Variants in VRTN observed in about 807,000 individuals in gnomAD.
The protein encoded by VRTN is vertnin.
VRTN carries 5 observed loss-of-function variants against 18.2 expected under a neutral mutation model. The observed-to-expected ratio is 0.27, with a 90% CI of 0.14 to 0.58. The LOEUF (loss-of-function observed/expected upper bound fraction) is 0.58. VRTN is among the 20% of genes least tolerant of loss of function. The probability of loss-of-function intolerance (pLI) is 0.91; values close to 1 mark genes in which losing one functional copy is unlikely to be tolerated. For missense variants in VRTN, 741 were observed against 939.4 expected, an observed-to-expected ratio of 0.79 and a Z score of 2.76; for synonymous variants, 381 against 393.7, an observed-to-expected ratio of 0.97 and a Z score of 0.38.
intron 1 of VRTN, among the ~76,000 whole-genome samples, chr14:74,324,126 C>T (rs575438460): frequency 1.1e-3 from 166 of 151,882 alleles, no homozygotes; most frequent in Non-Finnish European, 2.0e-3. Flanking sequence ...TGGTGACTCA[C>T]GCCTGTAATC....
In VRTN at chr14:74,358,055, C is replaced by G; in HGVS notation, c.1272C>G (p.Phe424Leu). The change falls in exon 2 of 2, where the codon TTC becomes TTG. Residue 424 changes from phenylalanine to leucine, a missense_variant. By Grantham distance (22) the Phe-to-Leu change is conservative. Transcript: ENST00000256362. The surrounding 1 kb of genome is among the most constrained non-coding windows in gnomAD (Gnocchi z 5.4). ...ACACACTGGTACCCTATCGCTGCTT[C>G]AAACGCAGGTTCCCTGGCATCTCAC... ...SLNTLVPYRC[F>L]KRRFPGISRS... The G allele has an allele frequency of 6.2e-7, 1 of 1,614,242 alleles. No homozygotes were observed. The highest frequency in any genetic ancestry group is 1.3e-5 in the African/African-American group (1 of 75,066).
chr14:74,345,732 C>T (rs1320177114), upstream of VRTN, among the ~76,000 whole-genome samples: 15 of 150,354 alleles, frequency 1.0e-4, no homozygotes, highest in South Asian at 6.4e-4. Flanking sequence ...GAGACCACCC[C>T]GGCCAACATG....
chr14:74,307,461 G>T (rs906465966), intron 1 of VRTN, among the ~76,000 whole-genome samples: 3 of 151,914 alleles, frequency 2.0e-5, no homozygotes, highest in Non-Finnish European at 2.9e-5. Flanking sequence ...ATGAGAGTTG[G>T]TGCTCTTGAA....
rs2085313603 is a variant in VRTN at position 74,304,758 on chromosome 14, C to G, written c.-164+1582C>G. Among the ~76,000 whole-genome samples the G allele has an allele frequency of 5.9e-5, 9 of 152,228 alleles. No individual in the cohort carries two copies. In the South Asian group the frequency reaches 1.7e-3, roughly 28 times the overall value. ...ACTGCCCCAGAACCAAAGAGAAAGG[C>G]ATTTAACTCAGCATGGGGAAAAGTG... On this transcript the variant is annotated intron_variant, in intron 1 of 2. Transcript: ENST00000557177.
intron 1 of VRTN, among the ~76,000 whole-genome samples, chr14:74,351,782 G>A (rs1282798295): frequency 6.6e-6 from 1 of 151,788 alleles, no homozygotes; most frequent in Non-Finnish European, 1.5e-5. Flanking sequence ...CACTTGGGCT[G>A]ATTACCAATT....
intron 1 of VRTN, among the ~76,000 whole-genome samples, chr14:74,337,356 C>T (rs1237590911): frequency 2.0e-5 from 3 of 149,644 alleles, no homozygotes; most frequent in Non-Finnish European, 4.4e-5. Context: ...AAACAAAAAA[C>T]AAACAAAAAC....
At chr14:74,312,047 G>A (rs1488166422) in intron 1 of VRTN, among the ~76,000 whole-genome samples, 1 of 152,216 alleles carries the variant, frequency 6.6e-6, no homozygotes, top group Non-Finnish European at 1.5e-5. Context: ...TGGGGTTACA[G>A]GCATGAGCCA....
chr14:74,347,971 C>T (rs1453664875), upstream of VRTN, among the ~76,000 whole-genome samples: 1 of 152,160 alleles, frequency 6.6e-6, no homozygotes, highest in Non-Finnish European at 1.5e-5. Context: ...GGAGACTGCC[C>T]CATGATGGGG....
chr14:74,319,658 T>A (rs976677888), intron 1 of VRTN, among the ~76,000 whole-genome samples: 1 of 152,142 alleles, frequency 6.6e-6, no homozygotes, highest in Non-Finnish European at 1.5e-5. Context: ...CACCCAGTGG[T>A]GATGTTACAT....
intron 1 of VRTN, among the ~76,000 whole-genome samples, chr14:74,351,132 AAAAC>A (rs1462011750): frequency 6.6e-6 from 1 of 152,232 alleles, no homozygotes; most frequent in South Asian, 2.1e-4. Flanking sequence ...TAATGCAAGA[AAAAC>A]AAAAACCCAA....
intron 2 of VRTN, among the ~76,000 whole-genome samples, chr14:74,339,302 G>A (rs947075286): frequency 2.0e-5 from 3 of 152,040 alleles, no homozygotes; most frequent in South Asian, 4.1e-4. Flanking sequence ...TGAGGGTCAG[G>A]CATGTTCAAA....
chr14:74,326,796 C>T (rs1171852612), intron 1 of VRTN, among the ~76,000 whole-genome samples: 1 of 11,498 alleles, frequency 8.7e-5, no homozygotes, highest in Non-Finnish European at 1.6e-4. Context: ...TCTCTCCCCA[C>T]TCATGGCCAC....
intron 1 of VRTN, among the ~76,000 whole-genome samples, chr14:74,320,553 C>A (rs1185111832): frequency 8.2e-6 from 1 of 121,504 alleles, no homozygotes; most frequent in Non-Finnish European, 1.6e-5. Context: ...TGAGCCACTG[C>A]GCCCGGCCTC....
chr14:74,318,262 C>A (rs1475168327), intron 1 of VRTN, among the ~76,000 whole-genome samples: 1 of 151,940 alleles, frequency 6.6e-6, no homozygotes, highest in African/African-American at 2.4e-5. Context: ...TGCCACCACG[C>A]CTGGCTAATT....
In VRTN at chr14:74,357,717, G is replaced by T. The variant is rs943847589; in HGVS notation, c.934G>T (p.Ala312Ser). 1 of 1,613,524 alleles carries T rather than the reference G, an allele frequency of 6.2e-7. No individual in the cohort carries two copies. Among genetic ancestry groups the T allele is most frequent in the Non-Finnish European group, 8.5e-7 (1 of 1,180,034 alleles). ...CCAGGAGCACCGGCAGAAGGTTGCTGCCCGCTTCTCCGCCAAGCACTTCCT... is the reference window on the plus strand; with the variant it reads ...CCAGGAGCACCGGCAGAAGGTTGCTTCCCGCTTCTCCGCCAAGCACTTCCT... ...QSQEHRQKVA[A>S]RFSAKHFLQD... Residue 312 changes from alanine (A) to serine (S), a missense_variant, in exon 2 of 2, where the codon GCC (alanine) becomes TCC (serine). Ala to Ser is a moderately conservative substitution (Grantham distance 99, BLOSUM62 1). This residue lies in a region of VRTN where 494 missense variants were observed against 546.5 expected (regional missense o/e 0.90). Transcript: ENST00000256362. The surrounding 1 kb of genome is among the most constrained non-coding windows in gnomAD (Gnocchi z 7.8).
At chr14:74,320,249 CTTTTTTTTTTTTTTTTTT>C (rs71115982) in intron 1 of VRTN, among the ~76,000 whole-genome samples, 1 of 72,690 alleles carries the variant, frequency 1.4e-5, no homozygotes, top group Non-Finnish European at 2.4e-5. Context: ...GATCCCATCC[CTTTTTTTTTTTTTTTTTT>C]TTTTTTTTTT....
upstream of VRTN, among the ~76,000 whole-genome samples, chr14:74,346,809 G>T (rs1451277482): frequency 9.2e-5 from 14 of 151,994 alleles, no homozygotes; most frequent in African/African-American, 3.4e-4. Flanking sequence ...AAACCTTTTT[G>T]TTTTTTCACT....
chr14:74,327,917 C>A (rs2085497956), intron 1 of VRTN, among the ~76,000 whole-genome samples: 1 of 152,056 alleles, frequency 6.6e-6, no homozygotes, highest in Non-Finnish European at 1.5e-5. Flanking sequence ...GACAGGGTTT[C>A]ACAATGTTGG....
At chr14:74,311,102 A>T (rs2085385753) in intron 1 of VRTN, among the ~76,000 whole-genome samples, 1 of 152,212 alleles carries the variant, frequency 6.6e-6, no homozygotes, top group Admixed American at 6.5e-5. Context: ...CCTGGCAATA[A>T]TAAGAGCTGA....
Sources: allele counts gnomAD v4.1 joint callset (sites outside exome capture counted in the v4.1 genomes callset), GRCh38; gene constraint gnomAD v4.1.1; regional missense constraint gnomAD v4.1.1; non-coding constraint Gnocchi (gnomAD v3.1); transcripts MANE v1.5; gene names NCBI Gene and HGNC (gene_info 2026-07-23, HGNC 2026-07-21).